ZNF608: variants seen among roughly 807,000 people sequenced by gnomAD.
ZNF608 encodes the protein zinc finger protein 608.
Under a neutral mutation model 109.0 loss-of-function variants are expected in ZNF608, and 12 were observed. That is an observed-to-expected ratio of 0.11 (90% CI 0.07 to 0.18). ZNF608 has a LOEUF of 0.18. ZNF608 is among the 10% of genes least tolerant of loss of function. ZNF608 has a pLI of 1.00. For missense variants in ZNF608, 1,707 were observed against 1,879.3 expected, an observed-to-expected ratio of 0.91 and a Z score of 1.70; for synonymous variants, 732 against 717.4, an observed-to-expected ratio of 1.02 and a Z score of -0.33.
At chr5:124,732,709 A>T (rs1045526365) in intron 2 of ZNF608, among the ~76,000 whole-genome samples, 2 of 152,182 alleles carry the variant, frequency 1.3e-5, no homozygotes, top group African/African-American at 4.8e-5. Flanking sequence ...AAATGGTCCC[A>T]ATTATTCAAG....
At chr5:124,704,800 C>T (rs982796271) in intron 2 of ZNF608, among the ~76,000 whole-genome samples, 3 of 151,990 alleles carry the variant, frequency 2.0e-5, no homozygotes, top group Admixed American at 6.6e-5. Flanking sequence ...CACAGAATGT[C>T]GCCTAGCCCA....
At chr5:124,697,173 CG>C (rs1323417764) in intron 3 of ZNF608, among the ~76,000 whole-genome samples, 2 of 146,236 alleles carry the variant, frequency 1.4e-5, no homozygotes, top group Non-Finnish European at 3.0e-5. Context: ...AAATAACGGT[CG>C]GAATAACGGC....
chr5:124,708,595 C>T, intron 2 of ZNF608: 1 of 407,120 alleles, frequency 2.5e-6, no homozygotes, highest in Non-Finnish European at 4.9e-6. Flanking sequence ...ACTTTAAAAC[C>T]TTACTGAAAC....
At chr5:124,675,024 T>A (rs763963319) in intron 3 of ZNF608, among the ~76,000 whole-genome samples, 15 of 152,210 alleles carry the variant, frequency 9.9e-5, no homozygotes, top group Non-Finnish European at 1.9e-4. Flanking sequence ...ACACGCTTTC[T>A]CTGCAAAGCA....
At chr5:124,644,133 C>A in intron 6 of ZNF608, 111 bp downstream of exon 6, 1 of 1,016,502 alleles carries the variant, frequency 9.8e-7, no homozygotes, top group South Asian at 2.0e-5. Context: ...AGCATAAAAA[C>A]AAGGAAAACA....
chr5:124,678,886 CA>C (rs1752076401), intron 3 of ZNF608, among the ~76,000 whole-genome samples: 1 of 152,126 alleles, frequency 6.6e-6, no homozygotes, highest in Admixed American at 6.5e-5. Flanking sequence ...TCCTGGGCAA[CA>C]AATCTCCAGG....
intron 2 of ZNF608, among the ~76,000 whole-genome samples, chr5:124,740,511 GAA>G (rs5871103): frequency 6.9e-6 from 1 of 144,138 alleles, no homozygotes; most frequent in Non-Finnish European, 1.5e-5. Flanking sequence ...CACTATATTT[GAA>G]AAAAAAAAAA....
chr5:124,685,564 T>C (rs1330310853), intron 3 of ZNF608, among the ~76,000 whole-genome samples: 3 of 151,080 alleles, frequency 2.0e-5, no homozygotes, highest in African/African-American at 7.3e-5. Flanking sequence ...TAAAGTGTAG[T>C]GTAAAGCCTG....
chr5:124,682,511 T>C (rs1752239969), intron 3 of ZNF608, among the ~76,000 whole-genome samples: 1 of 152,210 alleles, frequency 6.6e-6, no homozygotes, highest in Non-Finnish European at 1.5e-5. Context: ...ACAAGAGATA[T>C]TTCAGATTTT....
At chr5:124,728,306 G>GA (rs1251518766) in intron 2 of ZNF608, among the ~76,000 whole-genome samples, 1 of 152,058 alleles carries the variant, frequency 6.6e-6, no homozygotes, top group African/African-American at 2.4e-5. Flanking sequence ...GATAAATGGA[G>GA]AAAAAAATAG....
chr5:124,721,866 A>G (rs1753918041), intron 2 of ZNF608, among the ~76,000 whole-genome samples: 1 of 146,500 alleles, frequency 6.8e-6, no homozygotes, highest in South Asian at 2.2e-4. Flanking sequence ...TGCTTGAACC[A>G]AGGAAGCCGA....
intron 3 of ZNF608, among the ~76,000 whole-genome samples, chr5:124,651,853 C>G (rs1464073207): frequency 6.6e-6 from 1 of 152,242 alleles, no homozygotes; most frequent in South Asian, 2.1e-4. Context: ...ACGCATCCCC[C>G]ACGGCGCGCT....
At chr5:124,679,973 G>C (rs1752126263) in intron 3 of ZNF608, among the ~76,000 whole-genome samples, 1 of 152,158 alleles carries the variant, frequency 6.6e-6, no homozygotes, top group African/African-American at 2.4e-5. Flanking sequence ...AGCTCATGTT[G>C]ATAAGTAAAG....
At position 124,733,217 on chromosome 5, in the gene ZNF608, C is replaced by CTTT. The variant is rs67421322; in HGVS notation, c.906+10864_906+10866dup. Among the ~76,000 whole-genome samples, 78 of 117,574 alleles carry CTTT rather than the reference C, an allele frequency of 6.6e-4. 1 individual carries two copies. The highest frequency in any genetic ancestry group is 1.6e-3 in the African/African-American group (46 of 29,380). 77.1% of individuals were successfully genotyped at this position (117,574 alleles called of 152,430 possible). On this transcript the variant is annotated intron_variant, in intron 2 of 9. Transcript: ENST00000513986. ...CCATTCATTCTCTCTATCTCTCTCT[C>CTTT]TTTTTTTTTTTTTTTTTTTTTTTCT...
chr5:124,732,014 A>T (rs1416218495), intron 2 of ZNF608, among the ~76,000 whole-genome samples: 1 of 152,156 alleles, frequency 6.6e-6, no homozygotes, highest in East Asian at 1.9e-4. Context: ...TTGCTCCCCA[A>T]TTCCTACAAT....
At chr5:124,664,225 G>A (rs1751387853) in intron 3 of ZNF608, among the ~76,000 whole-genome samples, 1 of 152,064 alleles carries the variant, frequency 6.6e-6, no homozygotes, top group African/African-American at 2.4e-5. Context: ...AATAGCTGCT[G>A]AAAAAAGACA....
intron 2 of ZNF608, among the ~76,000 whole-genome samples, chr5:124,726,142 G>T (rs1754127301): frequency 6.6e-6 from 1 of 152,126 alleles, no homozygotes; most frequent in Non-Finnish European, 1.5e-5. Flanking sequence ...TTCCTTGCTA[G>T]AATTTCTTCC....
At chr5:124,718,265 T>C (rs1270073546) in intron 2 of ZNF608, among the ~76,000 whole-genome samples, 6 of 152,188 alleles carry the variant, frequency 3.9e-5, no homozygotes, top group African/African-American at 9.7e-5. Flanking sequence ...AATGCCTTGT[T>C]AGGGGAACAA....
intron 3 of ZNF608, among the ~76,000 whole-genome samples, chr5:124,690,954 C>CACACACACACACAAAA (rs10666145): frequency 2.7e-5 from 4 of 150,724 alleles, no homozygotes; most frequent in African/African-American, 9.9e-5. Context: ...CACACACACA[C>CACACACACACACAAAA]ATAATGGAAA....
Sources: allele counts gnomAD v4.1 joint callset (sites outside exome capture counted in the v4.1 genomes callset), GRCh38; gene constraint gnomAD v4.1.1; transcripts MANE v1.5; gene names NCBI Gene and HGNC (gene_info 2026-07-23, HGNC 2026-07-21).